The following ZNRF3 variants were observed in gnomAD, a reference collection of about 807,000 sequenced individuals.
ZNRF3 encodes zinc and ring finger 3.
In ZNRF3, 23 loss-of-function variants were observed where a neutral mutation model predicts 72.5. The observed-to-expected ratio is 0.32, with a 90% CI of 0.23 to 0.45. The LOEUF (loss-of-function observed/expected upper bound fraction) is 0.45, where lower values mean the gene tolerates loss of function less well. Among genes scored for constraint, ZNRF3 ranks in the 20% least tolerant of loss-of-function variants. The pLI, the probability that ZNRF3 is intolerant of heterozygous loss-of-function variation, is 1.00. For synonymous variants in ZNRF3, 610 were observed against 545.3 expected, an observed-to-expected ratio of 1.12 and a Z score of -1.65; for missense variants, 1,169 against 1,272.1, an observed-to-expected ratio of 0.92 and a Z score of 1.23.
At chr22:28,979,196 G>T (rs2035724886) in intron 1 of ZNRF3, among the ~76,000 whole-genome samples, 1 of 152,104 alleles carries the variant, frequency 6.6e-6, no homozygotes, top group Admixed American at 6.5e-5. Flanking sequence ...CATCGTCCTG[G>T]GATTTCTCTT....
chr22:29,049,811 G>A lies in ZNRF3; in HGVS notation c.1630G>A (p.Ala544Thr), dbSNP rs774238364. The A allele has an allele frequency of 6.2e-7, 1 of 1,607,528 alleles. No homozygotes were observed. Among genetic ancestry groups the A allele is most frequent in the Non-Finnish European group, 8.5e-7 (1 of 1,176,934 alleles). The change falls in exon 8 of 9, where the codon GCC (alanine) becomes ACC (threonine). Residue 544 changes from alanine to threonine, a missense_variant. Ala to Thr is a moderately conservative substitution (Grantham distance 58). Around this residue, in one of 2 missense-constraint regions of ZNRF3, gnomAD observed 783 missense variants for 731.4 expected, o/e 1.07. Transcript: ENST00000544604. The surrounding 1 kb of genome is among the most constrained non-coding windows in gnomAD (Gnocchi z 5.2). ...GHRSVCSGYL[A>T]DCPGSDSSSS... The stretch of plus-strand genomic sequence containing the variant: ...CCGCTCGGTGTGCAGTGGCTACCTG[G>A]CCGACTGCCCAGGCAGCGACAGCAG...
chr22:28,975,372 G>T (rs2035650700), intron 1 of ZNRF3, among the ~76,000 whole-genome samples: 1 of 151,932 alleles, frequency 6.6e-6, no homozygotes, highest in Non-Finnish European at 1.5e-5. Flanking sequence ...AGTGGTGGCG[G>T]ACGCCTGTAG....
At chr22:28,955,032 G>GTTTTTTT (rs372334361) in intron 1 of ZNRF3, among the ~76,000 whole-genome samples, 2 of 137,164 alleles carry the variant, frequency 1.5e-5, no homozygotes, top group Non-Finnish European at 1.5e-5. Context: ...TATTTTTGGT[G>GTTTTTTT]TTTTTTTTTT....
At chr22:29,027,309 C>T (rs974070541) in intron 2 of ZNRF3, among the ~76,000 whole-genome samples, 47 of 151,936 alleles carry the variant, frequency 3.1e-4, no homozygotes, top group African/African-American at 9.7e-4. Flanking sequence ...AGTGCAATGG[C>T]GCGATCTTGG....
chr22:29,008,096 A>G (rs1393139105), intron 2 of ZNRF3, among the ~76,000 whole-genome samples: 1 of 152,124 alleles, frequency 6.6e-6, no homozygotes, highest in Non-Finnish European at 1.5e-5. Context: ...GTTACCTGAA[A>G]TTGTACCTCT....
At chr22:29,005,492 G>T in intron 2 of ZNRF3, among the ~76,000 whole-genome samples, 1 of 152,208 alleles carries the variant, frequency 6.6e-6, no homozygotes, top group Non-Finnish European at 1.5e-5. Context: ...AGATGAGCTT[G>T]TTTGGGGTAG....
chr22:29,042,596 T>C, intron 3 of ZNRF3, 27 bp downstream of exon 3: 1 of 1,607,228 alleles, frequency 6.2e-7, no homozygotes, highest in South Asian at 1.1e-5. Context: ...ATGCCAACAC[T>C]GCAGCCTCCC....
chr22:28,895,842 C>T (rs1354325283), intron 1 of ZNRF3, among the ~76,000 whole-genome samples: 2 of 152,172 alleles, frequency 1.3e-5, no homozygotes, highest in East Asian at 3.9e-4. Flanking sequence ...TCCAGAAAAT[C>T]TTCCATGTGC....
At chr22:28,947,204 T>C (rs1247915398) in intron 1 of ZNRF3, among the ~76,000 whole-genome samples, 1 of 151,772 alleles carries the variant, frequency 6.6e-6, no homozygotes, top group African/African-American at 2.4e-5. Flanking sequence ...CTATCAGCCA[T>C]GTATTACTGA....
intron 2 of ZNRF3, among the ~76,000 whole-genome samples, chr22:28,989,374 C>T (rs984309916): frequency 2.0e-5 from 3 of 152,132 alleles, no homozygotes; most frequent in Admixed American, 6.5e-5. Context: ...TCTCTCCTGC[C>T]GCCCCTCTTT....
intron 1 of ZNRF3, among the ~76,000 whole-genome samples, chr22:28,887,693 A>G (rs1035620730): frequency 1.3e-5 from 2 of 152,204 alleles, no homozygotes; most frequent in African/African-American, 4.8e-5. Context: ...TACAGTTTGA[A>G]TGCTGGAGAA....
intron 1 of ZNRF3, among the ~76,000 whole-genome samples, chr22:28,973,178 C>T (rs1228099704): frequency 1.3e-5 from 2 of 152,150 alleles, no homozygotes; most frequent in African/African-American, 4.8e-5. Flanking sequence ...CAGAGTTTTG[C>T]TATGTTACTT....
At chr22:29,002,136 G>T (rs2036159064) in intron 2 of ZNRF3, among the ~76,000 whole-genome samples, 1 of 152,148 alleles carries the variant, frequency 6.6e-6, no homozygotes, top group African/African-American at 2.4e-5. Context: ...AGATCCTTAT[G>T]TATGTCGATG....
At chr22:28,991,998 A>AT (rs1004274104) in intron 2 of ZNRF3, among the ~76,000 whole-genome samples, 11 of 152,024 alleles carry the variant, frequency 7.2e-5, no homozygotes, top group South Asian at 4.2e-4. Context: ...AAAAAAAAAA[A>AT]AATAATAAGC....
At chr22:28,962,594 T>C (rs972640722) in intron 1 of ZNRF3, among the ~76,000 whole-genome samples, 2 of 152,348 alleles carry the variant, frequency 1.3e-5, no homozygotes, top group Non-Finnish European at 2.9e-5. Flanking sequence ...TCCATAGTTA[T>C]AGATGGAGTG....
At chr22:29,014,701 T>C (rs537600403) in intron 2 of ZNRF3, among the ~76,000 whole-genome samples, 3 of 152,318 alleles carry the variant, frequency 2.0e-5, no homozygotes, top group East Asian at 3.9e-4. Flanking sequence ...ACAGTACTTA[T>C]TAAAGTAGAC....
chr22:29,029,664 C>T lies in ZNRF3; in HGVS notation c.427-12831C>T, dbSNP rs185227269. ...GTTTTATCTATATAGATCAAATCAT[C>T]TCTAGGGGTAGGTCCTGGGCTCGAG... On this transcript the variant is annotated intron_variant, in intron 2 of 8. Coordinates refer to ENST00000544604, the MANE Select transcript of ZNRF3 (RefSeq NM_001206998.2). 3.5e-4 allele frequency among the ~76,000 whole-genome samples: 53 copies of T among 152,294 alleles called. No homozygotes were observed. In the East Asian group the frequency reaches 9.8e-3, roughly 28 times the overall value.
Position 29,050,136 on chromosome 22 carries a change from C to G in ZNRF3, c.1955C>G (p.Ser652Cys), listed in dbSNP as rs1000877156. The G allele has an allele frequency of 6.2e-7, 1 of 1,605,786 alleles. No homozygotes were observed. Among genetic ancestry groups the G allele is most frequent in the Non-Finnish European group, 8.5e-7 (1 of 1,179,856 alleles). Residue 652 changes from serine to cysteine, a missense_variant, in exon 8 of 9, where the codon TCT becomes TGT. This residue lies in a region of ZNRF3 where 783 missense variants were observed against 731.4 expected (regional missense o/e 1.07). Coordinates refer to ENST00000544604, the MANE Select transcript of ZNRF3 (RefSeq NM_001206998.2). ...GRGEPWPGPA[S>C]PSGDQVSTCS... is the part of the protein sequence containing the mutation. ...GGCGAGCCTTGGCCGGGCCCTGCCT[C>G]TCCCTCGGGGGATCAGGTGTCCACC...
At chr22:28,944,744 G>A (rs1188534051) in intron 1 of ZNRF3, among the ~76,000 whole-genome samples, 4 of 126,406 alleles carry the variant, frequency 3.2e-5, no homozygotes, top group Non-Finnish European at 6.5e-5. Context: ...GACAAAGCGA[G>A]ACTCCATCTC....
Sources: allele counts gnomAD v4.1 joint callset (sites outside exome capture counted in the v4.1 genomes callset), GRCh38; gene constraint gnomAD v4.1.1; regional missense constraint gnomAD v4.1.1; non-coding constraint Gnocchi (gnomAD v3.1); transcripts MANE v1.5; gene names NCBI Gene and HGNC (gene_info 2026-07-23, HGNC 2026-07-21).